DIAPH2: variants seen among roughly 807,000 people sequenced by gnomAD.
The protein encoded by DIAPH2 is diaphanous related formin 2.
Under a neutral mutation model 92.7 loss-of-function variants are expected in DIAPH2, and 35 were observed. The ratio of observed to expected loss-of-function variants is 0.38; its 90% CI spans 0.29 to 0.50. The LOEUF (loss-of-function observed/expected upper bound fraction) is 0.50. Ranked by LOEUF, DIAPH2 falls within the 20% of genes least tolerant of loss-of-function variation. DIAPH2 has a pLI of 0.94. For synonymous variants in DIAPH2, 301 were observed against 280.4 expected (o/e 1.07, Z -0.73); for missense variants, 701 against 819.5 (o/e 0.86, Z 1.77).
intron 26 of DIAPH2, among the ~76,000 whole-genome samples, chrX:97,596,372 T>A (rs1227150493): frequency 8.9e-6 from 1 of 112,193 alleles, no homozygotes; most frequent in African/African-American, 3.2e-5. Flanking sequence ...TCCAAAAAGA[T>A]AACAGGCAGA....
At chrX:96,814,368 G>A (rs1220778982) in intron 4 of DIAPH2, among the ~76,000 whole-genome samples, 3 of 111,719 alleles carry the variant, frequency 2.7e-5, no homozygotes, top group Non-Finnish European at 5.6e-5. Context: ...ATGGTTTTCA[G>A]CTCCATCAGG....
At chrX:97,091,941 C>T (rs1478319109) in intron 19 of DIAPH2, among the ~76,000 whole-genome samples, 1 of 111,854 alleles carries the variant, frequency 8.9e-6, no homozygotes, top group Non-Finnish European at 1.9e-5. Flanking sequence ...AGAGAAGCCC[C>T]TTATCTCCAA....
In DIAPH2 at chrX:97,132,695, T is replaced by C. The variant is rs767809209; in HGVS notation, c.2590-8970T>C. On this transcript the variant is annotated intron_variant, in intron 21 of 26. Transcript: ENST00000324765. ...TAACTGTTCCATGAATATACAAATATAATAGGGAAAAAGGAAGCCATGATT... is the reference window on the plus strand; with the variant it reads ...TAACTGTTCCATGAATATACAAATACAATAGGGAAAAAGGAAGCCATGATT... 1.2e-4 allele frequency among the ~76,000 whole-genome samples: 13 copies of C among 111,717 alleles called. No individual in the cohort carries two copies. In the East Asian group the frequency reaches 3.1e-3, roughly 27 times the overall value.
At chrX:97,550,154 T>C (rs1164513312) in intron 26 of DIAPH2, among the ~76,000 whole-genome samples, 3 of 110,657 alleles carry the variant, frequency 2.7e-5, no homozygotes, top group Non-Finnish European at 5.7e-5. Flanking sequence ...AGGTCAGGAG[T>C]TTGAGACCAG....
At chrX:97,539,883 T>C (rs2071126603) in intron 26 of DIAPH2, among the ~76,000 whole-genome samples, 1 of 111,943 alleles carries the variant, frequency 8.9e-6, no homozygotes, top group Admixed American at 9.5e-5. Context: ...TTACTTCACA[T>C]ACTGTCCCCA....
chrX:97,457,786 TA>T (rs1396948088), intron 26 of DIAPH2, among the ~76,000 whole-genome samples: 2 of 112,024 alleles, frequency 1.8e-5, no homozygotes, highest in Non-Finnish European at 3.8e-5. Flanking sequence ...ATTACCCTTA[TA>T]AAAGAGGCTC....
At chrX:97,274,727 G>C (rs2068423962) in intron 23 of DIAPH2, among the ~76,000 whole-genome samples, 1 of 108,900 alleles carries the variant, frequency 9.2e-6, no homozygotes, top group African/African-American at 3.3e-5. Flanking sequence ...ATAGTGGAGG[G>C]AAGGTCAGCA....
intron 22 of DIAPH2, among the ~76,000 whole-genome samples, chrX:97,239,850 CTCTCTCTCTT>C (rs2068077883): frequency 9.2e-6 from 1 of 108,795 alleles, no homozygotes; most frequent in East Asian, 2.9e-4. Flanking sequence ...CTCTCTCTCT[CTCTCTCTCTT>C]TCTCTCTCTC....
At chrX:97,160,848 T>C (rs1376919970) in intron 22 of DIAPH2, among the ~76,000 whole-genome samples, 1 of 111,548 alleles carries the variant, frequency 9.0e-6, no homozygotes, top group Non-Finnish European at 1.9e-5. Context: ...AGAGATACCA[T>C]ATACCAAACA....
intron 4 of DIAPH2, among the ~76,000 whole-genome samples, chrX:96,799,197 T>A (rs1364677261): frequency 9.0e-6 from 1 of 111,321 alleles, no homozygotes; most frequent in Non-Finnish European, 1.9e-5. Context: ...GTCCCCTCCC[T>A]GCACTGTAAT....
intron 26 of DIAPH2, among the ~76,000 whole-genome samples, chrX:97,511,631 T>C (rs2070893604): frequency 9.1e-6 from 1 of 110,068 alleles, no homozygotes; most frequent in South Asian, 3.9e-4. Flanking sequence ...TTTAGTATGA[T>C]ATTGGCTGTG....
intron 22 of DIAPH2, among the ~76,000 whole-genome samples, chrX:97,195,734 G>C (rs927966278): frequency 7.4e-5 from 8 of 108,741 alleles, no homozygotes; most frequent in African/African-American, 2.7e-4. Flanking sequence ...GCCCGCACTG[G>C]CCTACCATGT....
intron 26 of DIAPH2, among the ~76,000 whole-genome samples, 171 bp from the exon 27 acceptor site, chrX:97,599,082 C>A (rs1602692634): frequency 8.9e-6 from 1 of 112,172 alleles, no homozygotes; most frequent in South Asian, 3.7e-4. Flanking sequence ...TGAACTCAGC[C>A]GGGCAGCTGC....
chrX:96,885,159 C>CT (rs1274216555), intron 5 of DIAPH2: 2 of 1,009,385 alleles, frequency 2.0e-6, no homozygotes, highest in African/African-American at 3.9e-5. Flanking sequence ...TAATTTTGAC[C>CT]TGTTGACTTT....
At chrX:96,873,291 C>T (rs1250964874) in intron 4 of DIAPH2, among the ~76,000 whole-genome samples, 1 of 110,848 alleles carries the variant, frequency 9.0e-6, no homozygotes, top group Non-Finnish European at 1.9e-5. Flanking sequence ...AGTTTTTTTC[C>T]TGTTGAGTTG....
chrX:96,915,447 A>G (rs1263491616), intron 7 of DIAPH2, among the ~76,000 whole-genome samples: 8 of 99,326 alleles, frequency 8.1e-5, no homozygotes, highest in Non-Finnish European at 1.4e-4. Flanking sequence ...ATATTTTCCT[A>G]TTTATTATGA....
rs896272913 is a variant in DIAPH2 at position 97,319,275 on chromosome X, G to A, written c.2845-28841G>A. On this transcript the variant is annotated intron_variant, in intron 23 of 26. Coordinates refer to ENST00000324765, the MANE Select transcript of DIAPH2 (RefSeq NM_006729.5). ...TCTTTGTCTCTTCCATGGCAATATA[G>A]AAGTTATAAGGTAATAAATCAAATT... Among the ~76,000 whole-genome samples the A allele has an allele frequency of 3.3e-4, 37 of 112,201 alleles. 2 individuals are homozygous for A. Among genetic ancestry groups the A allele is most frequent in the Non-Finnish European group, 1.9e-5 (1 of 53,236 alleles).
intron 3 of DIAPH2, among the ~76,000 whole-genome samples, chrX:96,740,964 CT>C (rs1467475811): frequency 1.4e-4 from 16 of 110,865 alleles, no homozygotes; most frequent in African/African-American, 4.6e-4. Context: ...TGCTGATGAC[CT>C]TGCTGCTTAA....
Position 97,099,774 on chromosome X carries a change from G to A in DIAPH2, c.2328G>A (p.Glu776=), listed in dbSNP as rs1475275073. Residue 776 remains glutamate (E), a synonymous_variant, in exon 20 of 27, where the codon GAG becomes GAA. Transcript: ENST00000324765. ...ELKNEYDDLC[E]PEQFGVVMSS... ...AGAATGAATATGATGACCTCTGTGA[G>A]CCTGAACAATTTGGAGTTGTGGTAT... 6 of 1,169,815 alleles carry A rather than the reference G, an allele frequency of 5.1e-6. No homozygotes were observed. The highest frequency in any genetic ancestry group is 2.0e-5 in the South Asian group (1 of 48,921).
Sources: allele counts gnomAD v4.1 joint callset (sites outside exome capture counted in the v4.1 genomes callset), GRCh38; gene constraint gnomAD v4.1.1; transcripts MANE v1.5; gene names NCBI Gene and HGNC (gene_info 2026-07-23, HGNC 2026-07-21).